INSYN2A: variants seen among roughly 807,000 people sequenced by gnomAD.
INSYN2A encodes the protein family with sequence similarity 196 member A.
In INSYN2A, 17 loss-of-function variants were observed where a neutral mutation model predicts 39.4. That is an observed-to-expected ratio of 0.43 (90% CI 0.30 to 0.65). The LOEUF (loss-of-function observed/expected upper bound fraction) is 0.65. Among genes scored for constraint, INSYN2A ranks in the 30% least tolerant of loss-of-function variants. INSYN2A has a pLI of 0.14. For synonymous variants in INSYN2A, 255 were observed against 265.7 expected (o/e 0.96, Z 0.39); for missense variants, 595 against 631.2 (o/e 0.94, Z 0.61).
At position 127,153,826 on chromosome 10, in the gene INSYN2A, G is replaced by A. The variant is rs750000481; in HGVS notation, c.1256+26C>T. 1.9e-6 allele frequency: 3 copies of A among 1,544,454 alleles called. No individual in the cohort carries two copies. In the Admixed American group the frequency reaches 5.0e-5, roughly 26 times the overall value. ...ATCATTTGTCACTCATAATAAGAAA[G>A]TGGGAAGAGGAGAATGTTAACATAC... On this transcript the variant is annotated intron_variant, in intron 5 of 5. Coordinates refer to ENST00000522781, the MANE Select transcript of INSYN2A (RefSeq NM_001039762.3).
rs542204038 is a variant in INSYN2A, at chr10:127,143,246, C to G, written c.1257-5226G>C. On this transcript the variant is annotated intron_variant, in intron 5 of 5. Transcript: ENST00000522781. ...TTAAAAGCAGGACAATCTGGTGCCC[C>G]GGAGCTTGCTTTCTGGAAGGGAAGA... Among the ~76,000 whole-genome samples, 193 of 152,226 alleles carry G rather than the reference C, an allele frequency of 1.3e-3. 1 individual carries two copies. Among genetic ancestry groups the G allele is most frequent in the African/African-American group, 4.4e-3 (184 of 41,518 alleles).
intron 2 of INSYN2A, among the ~76,000 whole-genome samples, chr10:127,191,638 CA>C (rs1235771341): frequency 2.6e-5 from 4 of 152,094 alleles, no homozygotes; most frequent in Non-Finnish European, 5.9e-5. Context: ...TAGAGAAGAA[CA>C]AGGGTGGGGG....
At chr10:127,147,683 T>C (rs2052021994) in intron 5 of INSYN2A, among the ~76,000 whole-genome samples, 1 of 152,020 alleles carries the variant, frequency 6.6e-6, no homozygotes, top group Non-Finnish European at 1.5e-5. Flanking sequence ...TAATACCCTT[T>C]AGGACCCCAA....
chr10:127,146,876 G>A (rs952076759), intron 5 of INSYN2A, among the ~76,000 whole-genome samples: 1 of 152,164 alleles, frequency 6.6e-6, no homozygotes, highest in Non-Finnish European at 1.5e-5. Flanking sequence ...TTAACAATAG[G>A]TCTCCATTAG....
chr10:127,149,360 C>T (rs1362072957), intron 5 of INSYN2A, among the ~76,000 whole-genome samples: 3 of 152,106 alleles, frequency 2.0e-5, no homozygotes, highest in Non-Finnish European at 2.9e-5. Context: ...TGGTGGTTTT[C>T]CCCCCGCCTT....
chr10:127,195,530 C>CA (rs936117967), intron 1 of INSYN2A, among the ~76,000 whole-genome samples: 3 of 152,038 alleles, frequency 2.0e-5, no homozygotes, highest in Non-Finnish European at 2.9e-5. Context: ...TCATCCCCCC[C>CA]CCGAAGTTAA....
At chr10:127,162,914 GA>G (rs753780900) in intron 4 of INSYN2A, among the ~76,000 whole-genome samples, 102 of 152,138 alleles carry the variant, frequency 6.7e-4, no homozygotes, top group Non-Finnish European at 1.1e-3. Context: ...TTTCCAAAAT[GA>G]AGGAATTCTT....
chr10:127,184,933 A>T (rs1286819887), intron 2 of INSYN2A, among the ~76,000 whole-genome samples: 1 of 152,190 alleles, frequency 6.6e-6, no homozygotes, highest in East Asian at 1.9e-4. Flanking sequence ...CTGGGCACAC[A>T]GGAAAAAACA....
chr10:127,192,055 T>C (rs1233688691), intron 2 of INSYN2A, among the ~76,000 whole-genome samples: 2 of 152,230 alleles, frequency 1.3e-5, no homozygotes, highest in African/African-American at 2.4e-5. Context: ...CATTTTGATA[T>C]GGTGGGGTTT....
chr10:127,149,107 A>G (rs569922878), intron 5 of INSYN2A, among the ~76,000 whole-genome samples: 1 of 152,268 alleles, frequency 6.6e-6, no homozygotes, highest in East Asian at 1.9e-4. Context: ...GACTCTCCAC[A>G]CTTTTACCCT....
intron 5 of INSYN2A, among the ~76,000 whole-genome samples, chr10:127,150,657 C>A (rs2052399073): frequency 6.6e-6 from 1 of 152,186 alleles, no homozygotes; most frequent in Non-Finnish European, 1.5e-5. Flanking sequence ...TTAGTACTCA[C>A]TATTGAAATG....
At chr10:127,184,399 T>C (rs189777581) in intron 2 of INSYN2A, among the ~76,000 whole-genome samples, 3 of 151,232 alleles carry the variant, frequency 2.0e-5, no homozygotes, top group Admixed American at 1.3e-4. Context: ...CCTACTGATT[T>C]CTTCCCTTTA....
intron 2 of INSYN2A, among the ~76,000 whole-genome samples, chr10:127,182,061 G>T (rs1222485787): frequency 6.6e-6 from 1 of 152,200 alleles, no homozygotes; most frequent in African/African-American, 2.4e-5. Flanking sequence ...AGCAATGCGT[G>T]AGGAACTGTT....
intron 2 of INSYN2A, among the ~76,000 whole-genome samples, chr10:127,187,651 T>TC (rs1485884876): frequency 6.6e-6 from 1 of 151,830 alleles, no homozygotes; most frequent in Non-Finnish European, 1.5e-5. Context: ...AGGGCTCTAT[T>TC]CCCTCAGCCT....
Position 127,136,746 on chromosome 10 carries a change from C to T in INSYN2A, c.*1091G>A, listed in dbSNP as rs2050734405. ...CCCCTAAGTATGTTGTTTAGTACAA[C>T]TTACTAATAGGTTAAATGTAGGCGA... On this transcript the variant is annotated 3_prime_UTR_variant, in exon 6 of 6. Transcript: ENST00000522781. 6.6e-6 allele frequency: 1 copy of T among 152,628 alleles called. No homozygotes were observed. Among genetic ancestry groups the T allele is most frequent in the East Asian group, 1.9e-4 (1 of 5,204 alleles). 9.5% of individuals were successfully genotyped at this position (152,628 alleles called of 1,614,324 possible).
chr10:127,169,079 G>A (rs374481411), intron 4 of INSYN2A, among the ~76,000 whole-genome samples: 2 of 152,104 alleles, frequency 1.3e-5, no homozygotes, highest in Admixed American at 1.3e-4. Flanking sequence ...GTCACATCAC[G>A]CAAACATGTT....
intron 4 of INSYN2A, among the ~76,000 whole-genome samples, chr10:127,157,486 T>A (rs2053196628): frequency 6.6e-6 from 1 of 152,238 alleles, no homozygotes; most frequent in Admixed American, 6.5e-5. Flanking sequence ...ACTTCTTGAC[T>A]TTTACTCTCA....
At chr10:127,153,178 A>G (rs1462718142) in intron 5 of INSYN2A, among the ~76,000 whole-genome samples, 3 of 152,258 alleles carry the variant, frequency 2.0e-5, no homozygotes. Context: ...GTGAAAAATT[A>G]CATTTGCAAA....
chr10:127,186,515 GCCCCCC>G (rs1412882423), intron 2 of INSYN2A, among the ~76,000 whole-genome samples: 2 of 12,588 alleles, frequency 1.6e-4, no homozygotes, highest in Admixed American at 2.8e-3. Context: ...CCGCCCCCCC[GCCCCCC>G]CCCGATCCAG....
Sources: gnomAD v4.1 joint callset for allele counts (sites outside exome capture counted in the v4.1 genomes callset) on GRCh38, gnomAD v4.1.1 for gene constraint, MANE v1.5 for transcripts, NCBI Gene and HGNC (gene_info 2026-07-23, HGNC 2026-07-21) for gene names.